Variants in ADAM22 observed in about 807,000 individuals in gnomAD.
ADAM22 encodes the protein ADAM metallopeptidase domain 22.
ADAM22 carries 65 observed loss-of-function variants against 144.6 expected under a neutral mutation model. The ratio of observed to expected loss-of-function variants is 0.45; its 90% CI spans 0.37 to 0.55. ADAM22 has a LOEUF of 0.55. Ranked by LOEUF, ADAM22 falls within the 20% of genes least tolerant of loss-of-function variation. The pLI, the probability that ADAM22 is intolerant of heterozygous loss-of-function variation, is 0.00. For synonymous variants in ADAM22, 391 were observed against 412.6 expected, an observed-to-expected ratio of 0.95 and a Z score of 0.63; for missense variants, 974 against 1,184.9, an observed-to-expected ratio of 0.82 and a Z score of 2.61.
At chr7:87,946,165 C>A (rs1419465158) in intron 2 of ADAM22, among the ~76,000 whole-genome samples, 1 of 152,042 alleles carries the variant, frequency 6.6e-6, no homozygotes, top group Non-Finnish European at 1.5e-5. Flanking sequence ...TGTTTGTTGG[C>A]TGCTTGTATG....
At chr7:88,075,795 G>A in intron 4 of ADAM22, 103 bp downstream of exon 4, 2 of 920,084 alleles carry the variant, frequency 2.2e-6, no homozygotes, top group Admixed American at 5.2e-5. Flanking sequence ...ACAGTTTTGA[G>A]GGTTTTAAAA....
At chr7:88,005,035 T>C (rs962446346) in intron 3 of ADAM22, among the ~76,000 whole-genome samples, 1 of 152,106 alleles carries the variant, frequency 6.6e-6, no homozygotes, top group African/African-American at 2.4e-5. Context: ...TGCATTCTTG[T>C]AGTAGTCCCA....
In ADAM22 at chr7:88,136,039, A is replaced by T; in HGVS notation, c.1220+8A>T. 1 of 1,611,080 alleles carries T rather than the reference A, an allele frequency of 6.2e-7. No homozygotes were observed. The highest frequency in any genetic ancestry group is 8.5e-7 in the Non-Finnish European group (1 of 1,178,406). On this transcript the variant is annotated splice_region_variant and intron_variant, in intron 14 of 31. Coordinates refer to ENST00000413139, the MANE Select transcript of ADAM22 (RefSeq NM_001324418.2). ...CATAATGGGAGACACTGGGTGAGCC[A>T]CTTGTATTTGAAAATAACTCAGTCT...
intron 3 of ADAM22, among the ~76,000 whole-genome samples, chr7:88,051,431 C>T (rs987202523): frequency 6.6e-6 from 1 of 152,044 alleles, no homozygotes; most frequent in African/African-American, 2.4e-5. Context: ...AACCATCATT[C>T]TGAGCAAACT....
chr7:88,195,064 A>G (rs1298914094), intron 31 of ADAM22, among the ~76,000 whole-genome samples: 1 of 152,134 alleles, frequency 6.6e-6, no homozygotes, highest in Non-Finnish European at 1.5e-5. Context: ...CTACTTACTC[A>G]CTTGGCTTTT....
intron 3 of ADAM22, among the ~76,000 whole-genome samples, chr7:88,058,466 T>A (rs142256416): frequency 9.2e-5 from 14 of 152,336 alleles, no homozygotes; most frequent in Admixed American, 2.0e-4. Context: ...TAAATATTCT[T>A]AATAGGATAA....
intron 30 of ADAM22, among the ~76,000 whole-genome samples, chr7:88,187,635 A>C (rs1848607948): frequency 6.6e-6 from 1 of 152,204 alleles, no homozygotes; most frequent in Non-Finnish European, 1.5e-5. Flanking sequence ...ATATGTACTC[A>C]ATTACTACCT....
At chr7:88,191,641 A>C (rs1480885758) in intron 30 of ADAM22, among the ~76,000 whole-genome samples, 2 of 152,224 alleles carry the variant, frequency 1.3e-5, no homozygotes, top group Non-Finnish European at 2.9e-5. Flanking sequence ...TCTTAATTAA[A>C]AAAATATGAA....
intron 2 of ADAM22, among the ~76,000 whole-genome samples, chr7:87,949,263 A>G (rs576678682): frequency 6.8e-4 from 104 of 152,264 alleles, no homozygotes; most frequent in Middle Eastern, 3.4e-3. Context: ...AGGATTTATT[A>G]GGAAAGGCAA....
intron 29 of ADAM22, 37 bp downstream of exon 29, chr7:88,182,061 G>A (rs778602275): frequency 1.9e-6 from 3 of 1,562,320 alleles, no homozygotes; most frequent in African/African-American, 1.4e-5. Flanking sequence ...GGCACTCCAA[G>A]GTCCTGTGCA....
chr7:88,132,835 C>A, intron 11 of ADAM22, 32 bp from the exon 12 acceptor site: 5 of 1,581,938 alleles, frequency 3.2e-6, no homozygotes, highest in Non-Finnish European at 4.3e-6. Context: ...GAACTGTGAA[C>A]AGTAAGCATT....
At chr7:88,009,401 T>G (rs999766423) in intron 3 of ADAM22, among the ~76,000 whole-genome samples, 1 of 152,220 alleles carries the variant, frequency 6.6e-6, no homozygotes, top group East Asian at 1.9e-4. Context: ...TTGTCACTTT[T>G]GTTTCATAGT....
In ADAM22 at chr7:88,101,040, T is replaced by C. The variant is rs74729286; in HGVS notation, c.391-7136T>C. ...GTAGGGTTCAAGGACAGGCCGTTAG[T>C]TCCTGCAAGGTGGTATCAGCTAGAG... On this transcript the variant is annotated intron_variant, in intron 4 of 31. Coordinates refer to ENST00000413139, the MANE Select transcript of ADAM22 (RefSeq NM_001324418.2). Among the ~76,000 whole-genome samples, 830 of 151,228 alleles carry C rather than the reference T, an allele frequency of 5.5e-3. 11 individuals are homozygous for C. Among genetic ancestry groups the C allele is most frequent in the East Asian group, 0.038 (195 of 5,160 alleles).
At chr7:88,179,572 G>T (rs1439753568) in intron 27 of ADAM22, among the ~76,000 whole-genome samples, 1 of 151,912 alleles carries the variant, frequency 6.6e-6, no homozygotes, top group Non-Finnish European at 1.5e-5. Context: ...TTTGGGGGGT[G>T]ATTATTTCTA....
At chr7:87,945,319 G>A (rs1365235002) in intron 2 of ADAM22, among the ~76,000 whole-genome samples, 1 of 152,108 alleles carries the variant, frequency 6.6e-6, no homozygotes, top group Non-Finnish European at 1.5e-5. Context: ...TTTGGTGTCA[G>A]TCATGGTTTG....
intron 29 of ADAM22, among the ~76,000 whole-genome samples, chr7:88,183,430 T>TA (rs143130829): frequency 6.7e-5 from 10 of 149,714 alleles, no homozygotes; most frequent in African/African-American, 1.5e-4. Flanking sequence ...ACTCCTAAGT[T>TA]AAAAAAAAAA....
chr7:87,934,632 CA>C, intron 1 of ADAM22, 82 bp downstream of exon 1: 1 of 1,233,896 alleles, frequency 8.1e-7, no homozygotes, highest in Non-Finnish European at 1.1e-6. Context: ...GAAAAGGGGG[CA>C]TCCCCATTTC....
intron 3 of ADAM22, among the ~76,000 whole-genome samples, chr7:88,029,021 T>C (rs2129469101): frequency 6.6e-6 from 1 of 152,180 alleles, no homozygotes; most frequent in East Asian, 1.9e-4. Context: ...TCAGTATATA[T>C]ATTTGTTGGG....
chr7:87,938,529 AT>A (rs1841824945), intron 2 of ADAM22, among the ~76,000 whole-genome samples: 1 of 151,922 alleles, frequency 6.6e-6, no homozygotes, highest in African/African-American at 2.4e-5. Flanking sequence ...ACCCATAGAT[AT>A]GTTTATCAAC....
Sources: allele counts gnomAD v4.1 joint callset (sites outside exome capture counted in the v4.1 genomes callset), GRCh38; gene constraint gnomAD v4.1.1; transcripts MANE v1.5; gene names NCBI Gene and HGNC (gene_info 2026-07-23, HGNC 2026-07-21).